The following TRAF3 variants were observed in gnomAD, a reference collection of about 807,000 sequenced individuals.
The protein encoded by TRAF3 is TNF receptor associated factor 3, also known as TNF receptor-associated factor 3.
Under a neutral mutation model 62.3 loss-of-function variants are expected in TRAF3, and 13 were observed. The observed-to-expected ratio is 0.21, with a 90% CI of 0.14 to 0.33. The LOEUF is 0.33. TRAF3 is among the 10% of genes least tolerant of loss of function. TRAF3 has a pLI of 1.00. For synonymous variants in TRAF3, 269 were observed against 283.4 expected, an observed-to-expected ratio of 0.95 and a Z score of 0.51; for missense variants, 440 against 741.8, an observed-to-expected ratio of 0.59 and a Z score of 4.73.
intron 3 of TRAF3, 21 bp downstream of exon 3, chr14:102,870,467 C>G (rs28670970): frequency 3.7e-5 from 59 of 1,610,796 alleles, no homozygotes; most frequent in Non-Finnish European, 4.8e-5. Context: ...TCGCCCGGCC[C>G]GTCGCCCGGC....
chr14:102,805,601 C>T (rs1162613655), intron 1 of TRAF3, among the ~76,000 whole-genome samples: 1 of 152,182 alleles, frequency 6.6e-6, no homozygotes, highest in Non-Finnish European at 1.5e-5. Context: ...AGCAGTGAGG[C>T]ACCAGGGAGC....
intron 6 of TRAF3, among the ~76,000 whole-genome samples, chr14:102,885,256 C>G (rs1889311555): frequency 6.6e-6 from 1 of 152,234 alleles, no homozygotes; most frequent in Non-Finnish European, 1.5e-5. Context: ...CAGTCAGACT[C>G]TGGCTCTCAG....
intron 1 of TRAF3, among the ~76,000 whole-genome samples, chr14:102,813,527 T>G (rs1295319742): frequency 6.6e-6 from 1 of 151,576 alleles, no homozygotes; most frequent in African/African-American, 2.4e-5. Flanking sequence ...CTTGGCTCAC[T>G]GCAACCTCCA....
intron 10 of TRAF3, among the ~76,000 whole-genome samples, chr14:102,901,296 G>T (rs149497532): frequency 0.034 from 5,221 of 152,286 alleles, 97 homozygotes; most frequent in Admixed American, 0.059. Context: ...GAGGCTCAGC[G>T]TGAGGCGCAG....
At position 102,844,689 on chromosome 14, in the gene TRAF3, C is replaced by A. The variant is rs1037496772; in HGVS notation, c.-18+14217C>A. On this transcript the variant is annotated intron_variant, in intron 2 of 11. Coordinates refer to ENST00000392745, the MANE Select transcript of TRAF3 (RefSeq NM_145725.3). ...AATTAAATCTCCATTGCAGTAATTG[C>A]CAGATGTAAAATTTCATGAATTCTT... Among the ~76,000 whole-genome samples, 2 of 152,076 alleles carry A rather than the reference C, an allele frequency of 1.3e-5. 1 individual carries two copies. Among genetic ancestry groups the A allele is most frequent in the African/African-American group, 4.8e-5 (2 of 41,466 alleles).
At position 102,877,188 on chromosome 14, in the gene TRAF3, A is replaced by G. The variant is rs1422603303; in HGVS notation, c.570+663A>G. Among the ~76,000 whole-genome samples the G allele has an allele frequency of 2.0e-5, 3 of 149,712 alleles. No individual in the cohort carries two copies. The East Asian group carries it at 5.9e-4, about 29-fold the overall frequency. The stretch of plus-strand genomic sequence containing the variant: ...GCTCATCTCGTAGATAATCCGTTCC[A>G]CAGGCCTTCCGCTCAGCTCATAGAT... On this transcript the variant is annotated intron_variant, in intron 6 of 11. Coordinates refer to ENST00000392745, the MANE Select transcript of TRAF3 (RefSeq NM_145725.3).
chr14:102,876,586 C>G (rs192615140), intron 6 of TRAF3, 61 bp downstream of exon 6: 6 of 1,586,796 alleles, frequency 3.8e-6, no homozygotes, highest in Admixed American at 1.7e-5. Context: ...ATTCCACAGG[C>G]CTTCCGCTCA....
chr14:102,899,007 C>T lies in TRAF3; in HGVS notation c.960+1606C>T, dbSNP rs188596188. On this transcript the variant is annotated intron_variant, in intron 10 of 11. Coordinates refer to ENST00000392745, the MANE Select transcript of TRAF3 (RefSeq NM_145725.3). ...CTTCCCCACAGGAGGCTGGGCGTGG[C>T]GGAGAGCAGGTTGTGTTTAGGGAAG... Among the ~76,000 whole-genome samples the T allele has an allele frequency of 5.3e-5, 8 of 152,256 alleles. No individual in the cohort carries two copies. In the East Asian group the frequency reaches 1.2e-3, roughly 22 times the overall value.
chr14:102,816,399 C>T (rs1230996681), intron 1 of TRAF3, among the ~76,000 whole-genome samples: 5 of 152,066 alleles, frequency 3.3e-5, no homozygotes, highest in Non-Finnish European at 5.9e-5. Flanking sequence ...TACCATACAC[C>T]GATTGTACAG....
chr14:102,781,618 AATTT>A (rs1375895021), intron 1 of TRAF3, among the ~76,000 whole-genome samples: 7 of 151,782 alleles, frequency 4.6e-5, no homozygotes, highest in African/African-American at 1.5e-4. Context: ...CTCTAAAATA[AATTT>A]ATTTATTTAT....
At chr14:102,882,720 A>G (rs1042461507) in intron 6 of TRAF3, among the ~76,000 whole-genome samples, 3 of 152,184 alleles carry the variant, frequency 2.0e-5, no homozygotes, top group Admixed American at 1.3e-4. Context: ...GTGTGTCACA[A>G]CATCAAGTGT....
At chr14:102,897,959 G>A (rs532450907) in intron 10 of TRAF3, among the ~76,000 whole-genome samples, 4 of 152,372 alleles carry the variant, frequency 2.6e-5, no homozygotes, top group South Asian at 4.1e-4. Context: ...GTCTTCTGTC[G>A]TCACAGGTGT....
At position 102,911,061 on chromosome 14, in the gene TRAF3, C is replaced by G. The variant is rs1890845092; in HGVS notation, c.*5277C>G. On this transcript the variant is annotated 3_prime_UTR_variant, in exon 12 of 12. Coordinates refer to ENST00000392745, the MANE Select transcript of TRAF3 (RefSeq NM_145725.3). ...GGTGCCTCTGTTCGGTTCTGTTACCCAAAAACAAAGACCAAAGAAGGCCAA... is the reference window on the plus strand; with the variant it reads ...GGTGCCTCTGTTCGGTTCTGTTACCGAAAAACAAAGACCAAAGAAGGCCAA... The G allele has an allele frequency of 6.6e-6, 1 of 152,202 alleles. No individual in the cohort carries two copies. The highest frequency in any genetic ancestry group is 2.4e-5 in the African/African-American group (1 of 41,446). 9.4% of individuals were successfully genotyped at this position (152,202 alleles called of 1,614,324 possible). A position where few individuals can be genotyped will look rare whatever the true frequency, so the allele number is the denominator to read the frequency against.
At chr14:102,867,011 C>A (rs188612648) in intron 2 of TRAF3, among the ~76,000 whole-genome samples, 1 of 152,092 alleles carries the variant, frequency 6.6e-6, no homozygotes, top group African/African-American at 2.4e-5. Context: ...AGACCATAGT[C>A]CTTGGTTGGT....
chr14:102,831,272 T>C (rs1299481194), intron 2 of TRAF3, among the ~76,000 whole-genome samples: 1 of 152,186 alleles, frequency 6.6e-6, no homozygotes, highest in Non-Finnish European at 1.5e-5. Flanking sequence ...GGTACTTGTT[T>C]GCCATCCCTA....
chr14:102,908,453 TCC>T lies in TRAF3; in HGVS notation c.*2671_*2672del, dbSNP rs1890698934. ...CAGCAGCCTGGGACGGCGTCCCCTC[TCC>T]CGGCGGCGGGCAAGCCTTGCGCTGC... On this transcript the variant is annotated 3_prime_UTR_variant, in exon 12 of 12. Transcript: ENST00000392745. The T allele has an allele frequency of 6.6e-6, 1 of 152,404 alleles. No homozygotes were observed. The highest frequency in any genetic ancestry group is 1.5e-5 in the Non-Finnish European group (1 of 68,168). 9.4% of individuals were successfully genotyped at this position (152,404 alleles called of 1,614,324 possible).
At chr14:102,868,029 G>A (rs1039503726) in intron 2 of TRAF3, among the ~76,000 whole-genome samples, 3 of 152,196 alleles carry the variant, frequency 2.0e-5, no homozygotes, top group Admixed American at 6.5e-5. Flanking sequence ...CAGCAAGAAC[G>A]GGGCTCGGAA....
intron 1 of TRAF3, among the ~76,000 whole-genome samples, chr14:102,798,284 C>T (rs574541811): frequency 2.1e-5 from 3 of 146,140 alleles, no homozygotes; most frequent in East Asian, 2.3e-4. Flanking sequence ...TGCAGTGGTG[C>T]GATCACAGCT....
At chr14:102,782,506 T>C (rs1897310350) in intron 1 of TRAF3, among the ~76,000 whole-genome samples, 1 of 152,194 alleles carries the variant, frequency 6.6e-6, no homozygotes, top group Non-Finnish European at 1.5e-5. Flanking sequence ...GTGCTGGGAT[T>C]ACAGGCGTGA....
Sources: allele counts gnomAD v4.1 joint callset (sites outside exome capture counted in the v4.1 genomes callset), GRCh38; gene constraint gnomAD v4.1.1; transcripts MANE v1.5; gene names NCBI Gene and HGNC (gene_info 2026-07-23, HGNC 2026-07-21).